Variants in CFAP44 observed in about 807,000 individuals in gnomAD.
CFAP44 encodes the protein cilia and flagella associated protein 44, also known as cilia- and flagella-associated protein 44.
Under a neutral mutation model 216.2 loss-of-function variants are expected in CFAP44, and 134 were observed. The observed-to-expected ratio is 0.62, with a 90% CI of 0.54 to 0.72. The LOEUF is 0.72. Ranked by LOEUF, CFAP44 falls within the 30% of genes least tolerant of loss-of-function variation. CFAP44 has a pLI of 0.00. For missense variants in CFAP44, 2,035 were observed against 2,182.1 expected, an observed-to-expected ratio of 0.93 and a Z score of 1.34; for synonymous variants, 700 against 727.6, an observed-to-expected ratio of 0.96 and a Z score of 0.61.
chr3:113,409,006 C>CAAAAAAAAAAAAAAAAAAAAAAAAAAA, intron 7 of CFAP44, 100 bp downstream of exon 7: 1 of 317,686 alleles, frequency 3.1e-6, no homozygotes. Flanking sequence ...ACCAAAACAG[C>CAAAAAAAAAAAAAAAAAAAAAAAAAAA]AAAAAAAAAA....
chr3:113,365,971 G>T, intron 19 of CFAP44, 68 bp downstream of exon 19: 1 of 1,483,218 alleles, frequency 6.7e-7, no homozygotes, highest in South Asian at 1.4e-5. Context: ...TAACGAATAT[G>T]AACAATTTTA....
Position 113,290,700 on chromosome 3 carries a change from T to C in CFAP44, c.*857A>G, listed in dbSNP as rs940181457. 1 of 152,256 alleles carries C rather than the reference T, an allele frequency of 6.6e-6. No individual in the cohort carries two copies. Among genetic ancestry groups the C allele is most frequent in the Non-Finnish European group, 1.5e-5 (1 of 68,038 alleles). 9.4% of individuals were successfully genotyped at this position (152,256 alleles called of 1,614,324 possible). A position where few individuals can be genotyped will look rare whatever the true frequency, so the allele number is the denominator to read the frequency against. ...CATAATCAAAGGTGATTGTTAAAGA[T>C]GATCTCTAGTAAATCTATTTCATTA... On this transcript the variant is annotated 3_prime_UTR_variant, in exon 35 of 35. Transcript: ENST00000393845.
rs571902550 is a variant in CFAP44 at position 113,306,468 on chromosome 3, G to A, written c.4628-137C>T. The A allele has an allele frequency of 3.0e-6, 3 of 988,826 alleles. No homozygotes were observed. The African/African-American group carries it at 5.0e-5, about 16-fold the overall frequency. The allele number at this position is 988,826 out of a possible 1,614,324, so 61.3% of individuals were successfully genotyped here. On this transcript the variant is annotated intron_variant, in intron 29 of 34. Transcript: ENST00000393845. ...CTAGCCAGCTTTTAAGACACTTATG[G>A]CTTAATTGTTCCAGGTTGAAATTAT... is the stretch of plus-strand genomic sequence containing the variant.
chr3:113,347,940 T>C (rs1950403595), intron 22 of CFAP44, among the ~76,000 whole-genome samples: 1 of 152,188 alleles, frequency 6.6e-6, no homozygotes, highest in African/African-American at 2.4e-5. Context: ...GTCCTCATTG[T>C]GGTCTAAGAG....
At chr3:113,312,489 G>A (rs941277535) in intron 28 of CFAP44, among the ~76,000 whole-genome samples, 1 of 152,122 alleles carries the variant, frequency 6.6e-6, no homozygotes, top group Non-Finnish European at 1.5e-5. Flanking sequence ...AGAAATTCAA[G>A]CTGGCTGCAG....
rs2107337237 is a variant in CFAP44 at position 113,380,942 on chromosome 3, C to T, written c.2009G>A (p.Cys670Tyr). The T allele has an allele frequency of 6.3e-7, 1 of 1,592,706 alleles. No homozygotes were observed. The highest frequency in any genetic ancestry group is 8.5e-7 in the Non-Finnish European group (1 of 1,169,960). ...ACTTGAAAAATGGAAACATTTTATG[C>T]ACATGTCTTTGATTTCATAGGAGAC... is the stretch of plus-strand genomic sequence containing the variant. The part of the protein sequence containing the change: ...DVVSYEIKDM[C>Y]IKCFHFSSVK... Residue 670 changes from cysteine (C) to tyrosine (Y), a missense_variant, in exon 16 of 35, where the codon TGC (cysteine) becomes TAC (tyrosine). By Grantham distance (194) the Cys-to-Tyr change is radical (BLOSUM62 -2). Coordinates refer to ENST00000393845, the MANE Select transcript of CFAP44 (RefSeq NM_001164496.2).
At chr3:113,420,685 T>C (rs569657367) in intron 4 of CFAP44, among the ~76,000 whole-genome samples, 4 of 152,200 alleles carry the variant, frequency 2.6e-5, no homozygotes, top group Non-Finnish European at 5.9e-5. Flanking sequence ...AAATATTACG[T>C]AGGCCTTTTC....
At chr3:113,410,694 C>G (rs1268141778) in intron 6 of CFAP44, among the ~76,000 whole-genome samples, 1 of 152,168 alleles carries the variant, frequency 6.6e-6, no homozygotes, top group African/African-American at 2.4e-5. Flanking sequence ...AATGGTATTT[C>G]TAGTTGTAGA....
chr3:113,304,455 T>C (rs1342026219), intron 31 of CFAP44, among the ~76,000 whole-genome samples: 2 of 152,242 alleles, frequency 1.3e-5, no homozygotes, highest in African/African-American at 2.4e-5. Flanking sequence ...ACAAAACATA[T>C]ATAAGGCTGA....
At chr3:113,301,446 G>A (rs1031541365) in intron 32 of CFAP44, among the ~76,000 whole-genome samples, 3 of 152,002 alleles carry the variant, frequency 2.0e-5, no homozygotes, top group Admixed American at 1.3e-4. Flanking sequence ...TTAATAAGTT[G>A]GGTGGGTGGG....
chr3:113,360,581 T>C (rs1950529485), intron 21 of CFAP44: 1 of 178,072 alleles, frequency 5.6e-6, no homozygotes, highest in South Asian at 1.4e-4. Context: ...ATAGTATTAA[T>C]GTTATCGATG....
chr3:113,360,079 CAAAA>C (rs557551907), intron 21 of CFAP44, among the ~76,000 whole-genome samples: 119 of 130,488 alleles, frequency 9.1e-4, no homozygotes, highest in African/African-American at 3.2e-3. Flanking sequence ...ATCTTGTTAC[CAAAA>C]AAAAAAAAAA....
At chr3:113,292,792 C>T (rs1490311251) in intron 34 of CFAP44, among the ~76,000 whole-genome samples, 1 of 152,220 alleles carries the variant, frequency 6.6e-6, no homozygotes, top group Non-Finnish European at 1.5e-5. Context: ...CTCCCTTGCT[C>T]ACTTTTATTT....
In CFAP44 at chr3:113,399,880, G is replaced by A. The variant is rs769030060; in HGVS notation, c.1569+26C>T. On this transcript the variant is annotated intron_variant, in intron 13 of 34. Coordinates refer to ENST00000393845, the MANE Select transcript of CFAP44 (RefSeq NM_001164496.2). ...ATACCATATTTACCAATAGATTCTGGTAGTTCATTATAACAACAAACTTAC... is the reference window on the plus strand; with the variant it reads ...ATACCATATTTACCAATAGATTCTGATAGTTCATTATAACAACAAACTTAC... 12 of 1,475,336 alleles carry A rather than the reference G, an allele frequency of 8.1e-6. No individual in the cohort carries two copies. The African/African-American group carries it at 1.1e-4, about 14-fold the overall frequency. The allele number at this position is 1,475,336 out of a possible 1,614,324, so 91.4% of individuals were successfully genotyped here.
chr3:113,347,604 G>T (rs952046900), intron 22 of CFAP44, among the ~76,000 whole-genome samples: 1 of 152,084 alleles, frequency 6.6e-6, no homozygotes, highest in Non-Finnish European at 1.5e-5. Flanking sequence ...TATAATTTTT[G>T]CCCAAAGCCC....
chr3:113,422,668 C>T (rs1028893600), intron 4 of CFAP44, among the ~76,000 whole-genome samples: 1 of 152,122 alleles, frequency 6.6e-6, no homozygotes, highest in Admixed American at 6.6e-5. Flanking sequence ...TTCCTTCAAA[C>T]CACTGCTCTC....
intron 28 of CFAP44, among the ~76,000 whole-genome samples, chr3:113,312,075 T>A (rs113791617): frequency 3.5e-5 from 3 of 86,276 alleles, no homozygotes; most frequent in Non-Finnish European, 7.4e-5. Flanking sequence ...GTGTGTGTGT[T>A]TTTTTTTTTT....
chr3:113,365,952 T>C lies in CFAP44; in HGVS notation c.2715+87A>G, dbSNP rs1026453938. The stretch of plus-strand genomic sequence containing the variant: ...ATAAGGTGAATGTGTCTAAATAACT[T>C]TTAATTTATAACGAATATGAACAAT... On this transcript the variant is annotated intron_variant, in intron 19 of 34. Coordinates refer to ENST00000393845, the MANE Select transcript of CFAP44 (RefSeq NM_001164496.2). 10 of 1,438,516 alleles carry C rather than the reference T, an allele frequency of 7.0e-6. No homozygotes were observed. The African/African-American group carries it at 1.3e-4, about 19-fold the overall frequency. 89.1% of individuals were successfully genotyped at this position (1,438,516 alleles called of 1,614,324 possible).
rs1251771559 is a variant in CFAP44, at chr3:113,426,036, C to T, written c.407+88G>A. On this transcript the variant is annotated intron_variant, in intron 4 of 34. Coordinates refer to ENST00000393845, the MANE Select transcript of CFAP44 (RefSeq NM_001164496.2). Reference sequence around the variant, plus strand: ...ATTTACCAAAACAGGTGGGAAGGCACATTTGGGCTCCCTGGGCTATAGTTT... The same window carrying T: ...ATTTACCAAAACAGGTGGGAAGGCATATTTGGGCTCCCTGGGCTATAGTTT... 6 of 1,485,994 alleles carry T rather than the reference C, an allele frequency of 4.0e-6. No homozygotes were observed. In the African/African-American group the frequency reaches 4.2e-5, roughly 10 times the overall value. 92.1% of individuals were successfully genotyped at this position (1,485,994 alleles called of 1,614,324 possible). A position where few individuals can be genotyped will look rare whatever the true frequency, so the allele number is the denominator to read the frequency against.
Sources: allele counts gnomAD v4.1 joint callset (sites outside exome capture counted in the v4.1 genomes callset), GRCh38; gene constraint gnomAD v4.1.1; transcripts MANE v1.5; gene names NCBI Gene and HGNC (gene_info 2026-07-23, HGNC 2026-07-21).